Variants in EHBP1 observed in about 807,000 individuals in gnomAD.
The protein encoded by EHBP1 is EH domain-binding protein 1.
Under a neutral mutation model 144.0 loss-of-function variants are expected in EHBP1, and 55 were observed. The ratio of observed to expected loss-of-function variants is 0.38; its 90% CI spans 0.31 to 0.48. The LOEUF (loss-of-function observed/expected upper bound fraction) is 0.48. Among genes scored for constraint, EHBP1 ranks in the 20% least tolerant of loss-of-function variants. The pLI, the probability that EHBP1 is intolerant of heterozygous loss-of-function variation, is 0.98. For synonymous variants in EHBP1, 469 were observed against 472.7 expected, an observed-to-expected ratio of 0.99 and a Z score of 0.10; for missense variants, 1,200 against 1,364.2, an observed-to-expected ratio of 0.88 and a Z score of 1.90.
rs372165979 is a variant in EHBP1 at position 62,764,336 on chromosome 2, T to C, written c.233T>C (p.Ile78Thr). ...GTTGTGTGGCCTGTTCCTGAAAACA[T>C]TGAAATCACTGTAACACTTTTTAAG... ...GVVVWPVPEN[I>T]EITVTLFKDP... is the part of the protein sequence containing the mutation. The change falls in exon 4 of 23, where the codon ATT becomes ACT. Residue 78 changes from isoleucine to threonine, a missense_variant. This residue lies in a region of EHBP1 where 137 missense variants were observed against 190.1 expected (regional missense o/e 0.72). Coordinates refer to ENST00000431489, the MANE Select transcript of EHBP1 (RefSeq NM_001142616.3). 3.8e-5 allele frequency: 60 copies of C among 1,584,094 alleles called. 1 individual carries two copies. The highest frequency in any genetic ancestry group is 1.3e-4 in the South Asian group (11 of 85,676).
At chr2:62,888,954 T>C (rs2052181776) in intron 10 of EHBP1, among the ~76,000 whole-genome samples, 1 of 150,426 alleles carries the variant, frequency 6.6e-6, no homozygotes, top group African/African-American at 2.4e-5. Context: ...GTGCAAAATT[T>C]AAGGAGCCAC....
chr2:62,725,137 C>T (rs1429326840), intron 2 of EHBP1, among the ~76,000 whole-genome samples: 1 of 152,152 alleles, frequency 6.6e-6, no homozygotes, highest in African/African-American at 2.4e-5. Context: ...TTCTCTGGCT[C>T]CTCGGGGATA....
At chr2:62,707,826 T>C (rs2034748551) in intron 2 of EHBP1, among the ~76,000 whole-genome samples, 1 of 152,232 alleles carries the variant, frequency 6.6e-6, no homozygotes, top group Admixed American at 6.5e-5. Flanking sequence ...AGAAATTCTT[T>C]TGTTAAATGC....
In EHBP1 at chr2:62,836,073, T is replaced by G. The variant is rs1481097683; in HGVS notation, c.634+4915T>G. Among the ~76,000 whole-genome samples the G allele has an allele frequency of 5.9e-5, 9 of 152,290 alleles. No individual in the cohort carries two copies. In the South Asian group the frequency reaches 1.2e-3, roughly 21 times the overall value. ...CAAACAAAAAGACAGCAGTATCCTCTGCAGACTTAAATGTCCCTGTCTGAC... is the reference window on the plus strand; with the variant it reads ...CAAACAAAAAGACAGCAGTATCCTCGGCAGACTTAAATGTCCCTGTCTGAC... On this transcript the variant is annotated intron_variant, in intron 7 of 22. Transcript: ENST00000431489.
At chr2:62,834,522 A>T (rs1015427807) in intron 7 of EHBP1, among the ~76,000 whole-genome samples, 7 of 152,238 alleles carry the variant, frequency 4.6e-5, no homozygotes, top group African/African-American at 1.7e-4. Context: ...GCATTTTTTA[A>T]TTAAGGTATA....
chr2:62,759,942 C>G (rs2040629585), intron 3 of EHBP1, among the ~76,000 whole-genome samples: 1 of 151,986 alleles, frequency 6.6e-6, no homozygotes, highest in Non-Finnish European at 1.5e-5. Flanking sequence ...GGTTTCTTCT[C>G]TGGTGAAACT....
chr2:62,894,942 A>AGAGAGAGAGAGT (rs1194915538), intron 10 of EHBP1, among the ~76,000 whole-genome samples: 1 of 148,990 alleles, frequency 6.7e-6, no homozygotes, highest in Non-Finnish European at 1.5e-5. Flanking sequence ...AGAGAGAGAG[A>AGAGAGAGAGAGT]GAGAGAGAGA....
intron 9 of EHBP1, among the ~76,000 whole-genome samples, chr2:62,865,473 G>T (rs960935878): frequency 5.3e-5 from 8 of 152,130 alleles, no homozygotes; most frequent in Non-Finnish European, 1.0e-4. Context: ...GCTGCCATTT[G>T]CCCAAATCTG....
chr2:62,747,231 G>A (rs1179107972), intron 2 of EHBP1, among the ~76,000 whole-genome samples, 164 bp from the exon 3 acceptor site: 4 of 152,130 alleles, frequency 2.6e-5, no homozygotes, highest in African/African-American at 9.6e-5. Flanking sequence ...TGCAAATTAG[G>A]TCACATCTGT....
At chr2:62,674,061 C>A in exon 1 of EHBP1, 1 of 471,144 alleles carries the variant, frequency 2.1e-6, no homozygotes, top group Non-Finnish European at 4.4e-6. Context: ...GCCAAGCCAA[C>A]CACCTAACCA....
chr2:62,929,926 G>A (rs900273780), intron 10 of EHBP1, among the ~76,000 whole-genome samples: 3 of 151,962 alleles, frequency 2.0e-5, no homozygotes, highest in South Asian at 2.1e-4. Context: ...AGCAATCCAC[G>A]AAGGAAATTA....
rs150251764 is a variant in EHBP1, at chr2:62,924,122, A to G, written c.1186-18596A>G. On this transcript the variant is annotated intron_variant, in intron 10 of 22. Coordinates refer to ENST00000431489, the MANE Select transcript of EHBP1 (RefSeq NM_001142616.3). ...GCCAGCTGAGGAGCCATGTACCAGC[A>G]TATCATGCCTGAGAAACAGCCCCAC... Among the ~76,000 whole-genome samples the G allele has an allele frequency of 6.0e-3, 918 of 152,278 alleles. 11 individuals carry two copies. Among genetic ancestry groups the G allele is most frequent in the African/African-American group, 0.021 (871 of 41,564 alleles).
intron 21 of EHBP1, among the ~76,000 whole-genome samples, chr2:63,040,332 A>G (rs1276547059): frequency 6.6e-6 from 1 of 152,144 alleles, no homozygotes; most frequent in African/African-American, 2.4e-5. Flanking sequence ...GATACAATAC[A>G]GTTGACTTTA....
chr2:62,964,023 C>T (rs892882696), intron 14 of EHBP1, among the ~76,000 whole-genome samples: 2 of 152,074 alleles, frequency 1.3e-5, no homozygotes, highest in African/African-American at 4.8e-5. Flanking sequence ...TACAAAGCAG[C>T]GGTTTTTATT....
intron 1 of EHBP1, among the ~76,000 whole-genome samples, chr2:62,696,761 C>T (rs1000786730): frequency 2.0e-5 from 3 of 152,012 alleles, no homozygotes; most frequent in Non-Finnish European, 4.4e-5. Context: ...TCGTCTTCCA[C>T]CCTCCTTGGC....
chr2:62,679,017 G>C (rs1346672125), intron 1 of EHBP1, among the ~76,000 whole-genome samples: 1 of 152,068 alleles, frequency 6.6e-6, no homozygotes, highest in African/African-American at 2.4e-5. Flanking sequence ...CTGAGTCTTA[G>C]AGAGGCCAAA....
Position 63,045,556 on chromosome 2 carries a change from GAA to G in EHBP1, c.*60_*61del. ...TTTTAGAGTCTTGCTTCCCAAACCAGAAAAAGTCAGACTCATTGTTGATTTAA... is the reference window on the plus strand; with the variant it reads ...TTTTAGAGTCTTGCTTCCCAAACCAGAAAGTCAGACTCATTGTTGATTTAA... On this transcript the variant is annotated 3_prime_UTR_variant, in exon 23 of 23. Coordinates refer to ENST00000431489, the MANE Select transcript of EHBP1 (RefSeq NM_001142616.3). The surrounding 1 kb of genome is among the most constrained non-coding windows in gnomAD (Gnocchi z 5.7). 7.2e-7 allele frequency: 1 copy of G among 1,391,476 alleles called. No homozygotes were observed. Among genetic ancestry groups the G allele is most frequent in the Non-Finnish European group, 1.0e-6 (1 of 995,848 alleles). The allele number at this position is 1,391,476 out of a possible 1,614,324, so 86.2% of individuals were successfully genotyped here.
intron 2 of EHBP1, among the ~76,000 whole-genome samples, chr2:62,707,541 A>G (rs1166507033): frequency 6.6e-6 from 1 of 152,190 alleles, no homozygotes; most frequent in African/African-American, 2.4e-5. Flanking sequence ...CACACTAAAT[A>G]CAATAGATTT....
At chr2:62,857,815 T>A (rs1407634925) in intron 7 of EHBP1, among the ~76,000 whole-genome samples, 11 of 152,102 alleles carry the variant, frequency 7.2e-5, no homozygotes, top group Admixed American at 7.2e-4. Context: ...TTATAAGATT[T>A]TTCTAAAGCA....
Sources: allele counts gnomAD v4.1 joint callset (sites outside exome capture counted in the v4.1 genomes callset), GRCh38; gene constraint gnomAD v4.1.1; regional missense constraint gnomAD v4.1.1; non-coding constraint Gnocchi (gnomAD v3.1); transcripts MANE v1.5; gene names NCBI Gene and HGNC (gene_info 2026-07-23, HGNC 2026-07-21).